KLRG1: variants seen among roughly 807,000 people sequenced by gnomAD.
The protein encoded by KLRG1 is killer cell lectin-like receptor subfamily G member 1.
KLRG1 carries 16 observed loss-of-function variants against 21.8 expected under a neutral mutation model. The ratio of observed to expected loss-of-function variants is 0.73; its 90% CI spans 0.50 to 1.11. KLRG1 has a LOEUF of 1.11. Among genes scored for constraint, KLRG1 ranks in the 50% most tolerant of loss-of-function variants. The probability of loss-of-function intolerance (pLI) is 0.00; values close to 1 mark genes in which losing one functional copy is unlikely to be tolerated. For synonymous variants in KLRG1, 69 were observed against 75.9 expected (o/e 0.91, Z 0.47); for missense variants, 173 against 218.3 (o/e 0.79, Z 1.31).
At chr12:9,099,420 A>T in the KLRG1 span, 1 of 1,578,206 alleles carries the variant, frequency 6.3e-7, no homozygotes, top group Non-Finnish European at 8.6e-7. Context: ...ATTTTGCAGA[A>T]TCCCCAATCA....
the KLRG1 span, chr12:9,037,026 T>C: frequency 5.5e-6 from 1 of 181,586 alleles, no homozygotes; most frequent in Non-Finnish European, 1.2e-5. Context: ...CCAACTGCAC[T>C]CATTTTGTCT....
chr12:9,168,879 T>G, the KLRG1 span: 1 of 1,613,164 alleles, frequency 6.2e-7, no homozygotes, highest in Non-Finnish European at 8.5e-7. Context: ...CTCCATAGTA[T>G]CCTTGACCTA....
chr12:9,140,698 G>A, the KLRG1 span, among the ~76,000 whole-genome samples: 1 of 152,096 alleles, frequency 6.6e-6, no homozygotes, highest in Non-Finnish European at 1.5e-5. Context: ...CTATGAGTTG[G>A]GTGAATTCCT....
Position 9,010,301 on chromosome 12 carries a change from T to G in KLRG1, c.*764T>G, listed in dbSNP as rs780074274. The G allele has an allele frequency of 3.5e-5, 12 of 344,878 alleles. No individual in the cohort carries two copies. In the South Asian group the frequency reaches 8.1e-4, roughly 23 times the overall value. The allele number at this position is 344,878 out of a possible 1,614,324, so 21.4% of individuals were successfully genotyped here. ...CGTAATGCAAAAACCCGGTCTTAAC[T>G]GATTTTGTTTTTTTTCTGAGTATGC... is the stretch of plus-strand genomic sequence containing the variant. On this transcript the variant is annotated 3_prime_UTR_variant, in exon 5 of 5. Transcript: ENST00000356986.
At chr12:9,041,895 T>A in the KLRG1 span, among the ~76,000 whole-genome samples, 1 of 152,166 alleles carries the variant, frequency 6.6e-6, no homozygotes, top group Non-Finnish European at 1.5e-5. Context: ...GTGCAGCAAT[T>A]TATCACCAAA....
At chr12:9,004,400 C>T (rs756296141) in intron 3 of KLRG1, among the ~76,000 whole-genome samples, 1 of 152,328 alleles carries the variant, frequency 6.6e-6, no homozygotes, top group South Asian at 2.1e-4. Context: ...GCCATGTGTT[C>T]AGAGAGTTTT....
At chr12:9,068,948 C>G in the KLRG1 span, 1 of 713,216 alleles carries the variant, frequency 1.4e-6, no homozygotes, top group Non-Finnish European at 2.3e-6. Flanking sequence ...TATTATCCTA[C>G]AGCACACTAT....
the KLRG1 span, chr12:9,192,487 T>C: frequency 1.9e-6 from 3 of 1,592,184 alleles, no homozygotes; most frequent in South Asian, 1.1e-5. Flanking sequence ...TAAGCTGCAA[T>C]TGTATTCCAT....
rs1167929914 is a variant in KLRG1, at chr12:9,010,026, T to C, written c.*489T>C. The C allele has an allele frequency of 1.6e-5, 25 of 1,533,588 alleles. No individual in the cohort carries two copies. Among genetic ancestry groups the C allele is most frequent in the Middle Eastern group, 1.9e-4 (1 of 5,296 alleles). 95.0% of individuals were successfully genotyped at this position (1,533,588 alleles called of 1,614,324 possible). A position where few individuals can be genotyped will look rare whatever the true frequency, so the allele number is the denominator to read the frequency against. ...TCCCTTTGCAGATCAAGCTTTATTC[T>C]GAAGAATAAACCTAGCTGGCATGCT... On this transcript the variant is annotated 3_prime_UTR_variant, in exon 5 of 5. Coordinates refer to ENST00000356986, the MANE Select transcript of KLRG1 (RefSeq NM_005810.4).
chr12:9,155,196 T>G, the KLRG1 span, among the ~76,000 whole-genome samples: 2 of 152,176 alleles, frequency 1.3e-5, no homozygotes, highest in Non-Finnish European at 2.9e-5. Flanking sequence ...AACTTAACTA[T>G]TGACCTCATG....
At chr12:9,079,680 G>A in the KLRG1 span, 2 of 1,613,708 alleles carry the variant, frequency 1.2e-6, no homozygotes, top group Non-Finnish European at 1.7e-6. Flanking sequence ...GATCTCTGGA[G>A]TAAGCTGCTG....
chr12:9,000,762 A>T (rs1475733526), intron 3 of KLRG1, among the ~76,000 whole-genome samples: 1 of 152,204 alleles, frequency 6.6e-6, no homozygotes, highest in East Asian at 1.9e-4. Context: ...CCATTTATTC[A>T]TCAGTGGATA....
downstream of KLRG1, among the ~76,000 whole-genome samples, chr12:9,012,318 C>T (rs1592286945): frequency 1.3e-5 from 2 of 152,228 alleles, no homozygotes; most frequent in Middle Eastern, 3.4e-3. Context: ...ACGCAGAGTC[C>T]TAAGGTCCCT....
At chr12:9,004,156 A>G (rs1007636284) in intron 3 of KLRG1, among the ~76,000 whole-genome samples, 4 of 152,198 alleles carry the variant, frequency 2.6e-5, no homozygotes, top group African/African-American at 9.7e-5. Flanking sequence ...TAGTGCCACA[A>G]TAAACACACG....
At chr12:8,964,027 C>G (rs1946423503) in intron 1 of KLRG1, among the ~76,000 whole-genome samples, 1 of 152,102 alleles carries the variant, frequency 6.6e-6, no homozygotes, top group African/African-American at 2.4e-5. Context: ...TTTTGTGTCT[C>G]TATCTCCTTC....
the KLRG1 span, chr12:9,152,886 A>C: frequency 6.2e-7 from 1 of 1,614,190 alleles, no homozygotes; most frequent in East Asian, 2.2e-5. Flanking sequence ...TTTGGGGCAC[A>C]GTCTGCACTT....
chr12:9,145,163 T>A, the KLRG1 span, among the ~76,000 whole-genome samples: 1 of 152,184 alleles, frequency 6.6e-6, no homozygotes, highest in East Asian at 1.9e-4. Context: ...TTACTCAATT[T>A]GCATTTAAAG....
intron 1 of KLRG1, among the ~76,000 whole-genome samples, chr12:8,965,710 A>T (rs894922639): frequency 3.9e-5 from 6 of 152,250 alleles, no homozygotes; most frequent in Middle Eastern, 3.2e-3. Flanking sequence ...ATGGAAGAAC[A>T]TTCCATGCTC....
chr12:9,152,840 T>A, the KLRG1 span: 2 of 1,614,136 alleles, frequency 1.2e-6, no homozygotes, highest in Non-Finnish European at 1.7e-6. Flanking sequence ...GTCAGTGAGA[T>A]CTGAAAGCTG....
Sources: gnomAD v4.1 joint callset for allele counts (sites outside exome capture counted in the v4.1 genomes callset) on GRCh38, gnomAD v4.1.1 for gene constraint, MANE v1.5 for transcripts, NCBI Gene and HGNC (gene_info 2026-07-23, HGNC 2026-07-21) for gene names.